NUP155: variants seen among roughly 807,000 people sequenced by gnomAD.
The protein encoded by NUP155 is nucleoporin 155.
A neutral mutation model predicts 180.4 loss-of-function variants in NUP155; 71 were observed. That is an observed-to-expected ratio of 0.39 (90% confidence interval 0.33 to 0.48). NUP155 has a LOEUF of 0.48. Among genes scored for constraint, NUP155 ranks in the 20% least tolerant of loss-of-function variants. NUP155 has a pLI of 0.91. For missense variants in NUP155, 1,553 were observed against 1,648.9 expected (o/e 0.94, Z 1.01); for synonymous variants, 582 against 559.5 (o/e 1.04, Z -0.57).
intron 5 of NUP155, among the ~76,000 whole-genome samples, chr5:37,352,272 C>T (rs1746513741): frequency 1.3e-5 from 2 of 152,066 alleles, no homozygotes; most frequent in African/African-American, 2.4e-5. Flanking sequence ...GCAGGAGAAT[C>T]GCTTGAACCT....
intron 28 of NUP155, 97 bp from the exon 29 acceptor site, chr5:37,303,005 A>G (rs753823797): frequency 7.6e-7 from 1 of 1,320,772 alleles, no homozygotes; most frequent in Non-Finnish European, 1.1e-6. Flanking sequence ...CCAAACACAC[A>G]TAAAAAGCCA....
chr5:37,318,597 G>C (rs1390995307), intron 20 of NUP155, among the ~76,000 whole-genome samples: 2 of 152,030 alleles, frequency 1.3e-5, no homozygotes, highest in African/African-American at 4.8e-5. Flanking sequence ...TTCGGAATGG[G>C]GTGCTCAACC....
At chr5:37,364,021 T>A in intron 2 of NUP155, 37 bp from the exon 3 acceptor site, 3 of 1,441,646 alleles carry the variant, frequency 2.1e-6, no homozygotes, top group Non-Finnish European at 2.9e-6. Context: ...CAGAGGTGAA[T>A]CTTATTCTTC....
chr5:37,340,976 G>GT (rs1561798059), intron 11 of NUP155, 114 bp downstream of exon 11: 1 of 886,888 alleles, frequency 1.1e-6, no homozygotes, highest in Non-Finnish European at 1.8e-6. Context: ...GACCCTTCTA[G>GT]TAGTTCCCAG....
intron 1 of NUP155, among the ~76,000 whole-genome samples, chr5:37,366,571 T>G (rs1057316636): frequency 1.3e-5 from 2 of 152,090 alleles, no homozygotes; most frequent in African/African-American, 4.8e-5. Flanking sequence ...CCCGGGTAGC[T>G]GGGATTACAG....
intron 13 of NUP155, among the ~76,000 whole-genome samples, chr5:37,332,378 G>T (rs1314035628): frequency 2.9e-5 from 4 of 136,472 alleles, no homozygotes; most frequent in Non-Finnish European, 6.0e-5. Context: ...CTGGAGTGCA[G>T]TGGCGCAATC....
chr5:37,336,811 C>T (rs1352096794), intron 12 of NUP155, among the ~76,000 whole-genome samples: 4 of 152,140 alleles, frequency 2.6e-5, no homozygotes, highest in Non-Finnish European at 4.4e-5. Flanking sequence ...GACAATACTC[C>T]CATCCCTGGG....
rs1742249925 is a variant in NUP155, at chr5:37,291,889, T to C, written c.*11A>G. The C allele has an allele frequency of 1.2e-6, 2 of 1,613,088 alleles. No individual in the cohort carries two copies. Among genetic ancestry groups the C allele is most frequent in the South Asian group, 1.1e-5 (1 of 91,056 alleles). ...ACAGATCATAAAACGGATGAAAGTA[T>C]ATCACAGTAATTAATGAAGCCGTTC... is the stretch of plus-strand genomic sequence containing the variant. On this transcript the variant is annotated 3_prime_UTR_variant, in exon 35 of 35. Transcript: ENST00000231498.
intron 12 of NUP155, among the ~76,000 whole-genome samples, chr5:37,335,864 G>T (rs904107823): frequency 6.6e-6 from 1 of 151,914 alleles, no homozygotes; most frequent in Non-Finnish European, 1.5e-5. Context: ...GGGGTGGCGG[G>T]TGCTGAGGTA....
rs1333997859 is a variant in NUP155 at position 37,341,210 on chromosome 5, T to C, written c.1126A>G (p.Arg376Gly). 1.9e-6 allele frequency: 3 copies of C among 1,614,082 alleles called. No individual in the cohort carries two copies. The highest frequency in any genetic ancestry group is 1.7e-6 in the Non-Finnish European group (2 of 1,179,924). ...VRLYFSTCPF[R>G]QPLARPNTLT... ...GTATTAGGCCGTGCTAATGGCTGTC[T>C]GAATGGACAAGTGCTAAAATATAAC... The change falls in exon 11 of 35, where the codon AGA (arginine) becomes GGA (glycine). Residue 376 changes from arginine to glycine, a missense_variant. Physicochemically the swap from Arg to Gly is moderately radical, Grantham distance 125. Coordinates refer to ENST00000231498, the MANE Select transcript of NUP155 (RefSeq NM_153485.3).
chr5:37,350,364 AAATACCAGTTATAATCACT>A (rs1381694415), intron 6 of NUP155, 99 bp from the exon 7 acceptor site: 2 of 776,396 alleles, frequency 2.6e-6, no homozygotes, highest in South Asian at 1.5e-5. Flanking sequence ...AATCTTCATG[AAATACCAGTTATAATCACT>A]AATACCAGTT....
In NUP155 at chr5:37,327,674, G is replaced by A. The variant is rs1336484617; in HGVS notation, c.1979C>T (p.Ser660Phe). Residue 660 changes from serine to phenylalanine, a missense_variant, in exon 18 of 35, where the codon TCT becomes TTT. Ser to Phe is a radical substitution (Grantham distance 155). Coordinates refer to ENST00000231498, the MANE Select transcript of NUP155 (RefSeq NM_153485.3). ...AATGCAAATACCATTGTGTTTTCCA[G>A]AGTACACAATCTCTGGTCCAGTCAC... Reference protein sequence around the residue: ...SCVTGPEIVYSGKHNGICIYF... With the variant: ...SCVTGPEIVYFGKHNGICIYF... 1 of 1,614,088 alleles carries A rather than the reference G, an allele frequency of 6.2e-7. No individual in the cohort carries two copies. Among genetic ancestry groups the A allele is most frequent in the Admixed American group, 1.7e-5 (1 of 60,010 alleles).
intron 4 of NUP155, among the ~76,000 whole-genome samples, chr5:37,355,381 G>A (rs890451809): frequency 1.2e-4 from 18 of 151,562 alleles, no homozygotes; most frequent in African/African-American, 3.9e-4. Context: ...GGTGGCACAT[G>A]CCTGAAATTC....
chr5:37,361,591 A>G (rs1056107911), intron 3 of NUP155, among the ~76,000 whole-genome samples: 2 of 152,156 alleles, frequency 1.3e-5, no homozygotes, highest in African/African-American at 4.8e-5. Context: ...TGGAACTACG[A>G]TCCAATGCTG....
chr5:37,299,877 TAA>T (rs11346142), intron 30 of NUP155, among the ~76,000 whole-genome samples: 4,303 of 145,906 alleles, frequency 0.029, 226 homozygotes, highest in African/African-American at 0.1. Flanking sequence ...TACTAAAATT[TAA>T]AAAAAAAAAA....
intron 24 of NUP155, among the ~76,000 whole-genome samples, chr5:37,307,677 C>T (rs560871062): frequency 3.4e-4 from 52 of 152,134 alleles, no homozygotes; most frequent in South Asian, 1.2e-3. Context: ...AATCCCAGCA[C>T]TTTGGGAGGC....
At chr5:37,299,320 CTCT>C (rs1485758954) in intron 31 of NUP155, 125 bp downstream of exon 31, 3 of 1,120,764 alleles carry the variant, frequency 2.7e-6, no homozygotes, top group Non-Finnish European at 4.0e-6. Context: ...TCCACTTACT[CTCT>C]TCTTAGGTAT....
intron 23 of NUP155, 120 bp from the exon 24 acceptor site, chr5:37,309,387 C>G: frequency 1.2e-6 from 1 of 830,014 alleles, no homozygotes. Flanking sequence ...AAAATGAAAA[C>G]AACTCTACAA....
chr5:37,333,594 C>T lies in NUP155; in HGVS notation c.1387G>A (p.Ala463Thr). ...TTATCTACTTTCAATTCATCTATCGCAGAAAGAGCCCAGGAATGACCATCA... is the reference window on the plus strand; with the variant it reads ...TTATCTACTTTCAATTCATCTATCGTAGAAAGAGCCCAGGAATGACCATCA... ...GVDGHSWALS[A>T]IDELKVDKII... The change falls in exon 13 of 35, where the codon GCG (alanine) becomes ACG (threonine). Residue 463 changes from alanine to threonine, a missense_variant. Coordinates refer to ENST00000231498, the MANE Select transcript of NUP155 (RefSeq NM_153485.3). The T allele has an allele frequency of 6.2e-7, 1 of 1,613,750 alleles. No homozygotes were observed. The highest frequency in any genetic ancestry group is 8.5e-7 in the Non-Finnish European group (1 of 1,179,824).
Sources: gnomAD v4.1 joint callset for allele counts (sites outside exome capture counted in the v4.1 genomes callset) on GRCh38, gnomAD v4.1.1 for gene constraint, MANE v1.5 for transcripts, NCBI Gene and HGNC (gene_info 2026-07-23, HGNC 2026-07-21) for gene names.